Variants in HLCS observed in about 807,000 individuals in gnomAD.
HLCS encodes biotin--protein ligase.
In HLCS, 53 loss-of-function variants were observed where a neutral mutation model predicts 75.0. The observed-to-expected ratio is 0.71, with a 90% CI of 0.57 to 0.89. The LOEUF is 0.89. HLCS is among the 40% of genes least tolerant of loss of function. The pLI is 0.00. For synonymous variants in HLCS, 431 were observed against 428.6 expected (o/e 1.01, Z -0.07); for missense variants, 966 against 1,074.0 (o/e 0.90, Z 1.41).
chr21:36,908,765 G>C (rs1442000529), intron 5 of HLCS, among the ~76,000 whole-genome samples: 2 of 152,168 alleles, frequency 1.3e-5, no homozygotes, highest in African/African-American at 2.4e-5. Context: ...TCAAAAAAAA[G>C]AAGGGTATCC....
intron 2 of HLCS, among the ~76,000 whole-genome samples, chr21:36,940,932 C>A (rs1738168032): frequency 6.6e-6 from 1 of 152,178 alleles, no homozygotes; most frequent in Non-Finnish European, 1.5e-5. Context: ...AGTGTTTGGG[C>A]TGGGCGCGGT....
At chr21:36,807,939 A>G (rs2145946695) in intron 6 of HLCS, among the ~76,000 whole-genome samples, 1 of 152,352 alleles carries the variant, frequency 6.6e-6, no homozygotes, top group East Asian at 1.9e-4. Flanking sequence ...ACTATTAGAA[A>G]AACTTAGTGA....
chr21:36,758,862 T>C (rs552151157), intron 9 of HLCS, among the ~76,000 whole-genome samples: 4 of 151,898 alleles, frequency 2.6e-5, no homozygotes, highest in Non-Finnish European at 5.9e-5. Context: ...GGGCACCTGT[T>C]CTCCCAGCTA....
intron 1 of HLCS, among the ~76,000 whole-genome samples, chr21:36,965,749 T>G (rs12626619): frequency 0.61 from 89,338 of 147,610 alleles, 27,350 homozygotes; most frequent in East Asian, 0.74. Flanking sequence ...TTTTTTTTCT[T>G]AAGACAGGGT....
At chr21:36,933,186 C>G (rs919478406) in intron 4 of HLCS, among the ~76,000 whole-genome samples, 8 of 152,190 alleles carry the variant, frequency 5.3e-5, no homozygotes, top group African/African-American at 1.9e-4. Context: ...CCCCAAACCA[C>G]AGCTGATTGG....
intron 6 of HLCS, among the ~76,000 whole-genome samples, chr21:36,836,543 C>T (rs930086650): frequency 6.8e-6 from 1 of 146,956 alleles, no homozygotes; most frequent in Non-Finnish European, 1.5e-5. Context: ...ATTCCCTGCA[C>T]AGCAAAAGAA....
Position 36,768,411 on chromosome 21 carries a change from G to A in HLCS, c.1893-1126C>T, listed in dbSNP as rs3787747. Among the ~76,000 whole-genome samples the A allele has an allele frequency of 1.2e-4, 19 of 152,312 alleles. No homozygotes were observed. In the East Asian group the frequency reaches 3.5e-3, roughly 28 times the overall value. ...CTCCCCTCCCAGCTACAGAAACTGG[G>A]TGGAACTTTACAAATGGCTGGAACT... On this transcript the variant is annotated intron_variant, in intron 6 of 10. Transcript: ENST00000674895.
intron 2 of HLCS, among the ~76,000 whole-genome samples, chr21:36,940,903 T>C (rs982320389): frequency 2.6e-5 from 4 of 152,086 alleles, no homozygotes; most frequent in Middle Eastern, 3.2e-3. Flanking sequence ...TGAGTTCTCA[T>C]GAGATCTGAT....
chr21:36,979,935 G>C (rs2069062406), intron 1 of HLCS, among the ~76,000 whole-genome samples: 1 of 143,918 alleles, frequency 6.9e-6, no homozygotes, highest in African/African-American at 2.6e-5. Context: ...TGTGCCTGTA[G>C]TTCCAGCTAC....
At chr21:36,871,576 T>A (rs536057446) in intron 6 of HLCS, among the ~76,000 whole-genome samples, 1 of 152,312 alleles carries the variant, frequency 6.6e-6, no homozygotes, top group Non-Finnish European at 1.5e-5. Context: ...CACTGATTTT[T>A]ATTATACCAT....
intron 6 of HLCS, among the ~76,000 whole-genome samples, chr21:36,853,328 G>A (rs958456071): frequency 1.3e-5 from 2 of 152,184 alleles, no homozygotes; most frequent in Non-Finnish European, 2.9e-5. Flanking sequence ...CAAAGAAAGG[G>A]AGAGCACTCA....
At position 36,938,862 on chromosome 21, in the gene HLCS, C is replaced by T. The variant is rs369390552; in HGVS notation, c.463G>A (p.Asp155Asn). ...ATCTTTTGGGGTACCAGTCCATTAT[C>T]CATGTGGAGTCTATCTTCCATGAAC... ...VAFMEDRLHM[D>N]NGLVPQKIVS... Residue 155 changes from aspartate (D) to asparagine (N), a missense_variant, in exon 3 of 11, where the codon GAT (aspartate) becomes AAT (asparagine). Asp to Asn is a conservative substitution (Grantham distance 23). Transcript: ENST00000674895. The T allele has an allele frequency of 6.8e-5, 109 of 1,614,092 alleles. No homozygotes were observed. Among genetic ancestry groups the T allele is most frequent in the Non-Finnish European group, 8.2e-5 (97 of 1,180,028 alleles).
chr21:36,811,560 G>T (rs2061511107), intron 6 of HLCS, among the ~76,000 whole-genome samples: 1 of 152,208 alleles, frequency 6.6e-6, no homozygotes, highest in Non-Finnish European at 1.5e-5. Context: ...CATCTGCAAT[G>T]TTAGAAAACA....
At chr21:36,801,578 G>T (rs1332599430) in intron 6 of HLCS, among the ~76,000 whole-genome samples, 5 of 152,208 alleles carry the variant, frequency 3.3e-5, no homozygotes, top group Non-Finnish European at 5.9e-5. Flanking sequence ...AGCATGTCTG[G>T]TGCACAGTAA....
intron 2 of HLCS, among the ~76,000 whole-genome samples, chr21:36,947,154 AGCCCCC>A (rs1382467444): frequency 6.6e-6 from 1 of 152,200 alleles, no homozygotes; most frequent in Non-Finnish European, 1.5e-5. Flanking sequence ...ACATTGATTT[AGCCCCC>A]TGCGGTAGCA....
In HLCS at chr21:36,817,024, C is replaced by T. The variant is rs193230062; in HGVS notation, c.1893-49739G>A. 3.6e-3 allele frequency among the ~76,000 whole-genome samples: 543 copies of T among 152,302 alleles called. 2 individuals are homozygous for T. In the Middle Eastern group the frequency reaches 0.058, roughly 16 times the overall value. On this transcript the variant is annotated intron_variant, in intron 6 of 10. Transcript: ENST00000674895. Reference sequence around the variant, plus strand: ...GGCTTCCCTCTGCCACGCCAAGCAACCCAGCCTGGCTACAGTACAGCAGGC... The same window carrying T: ...GGCTTCCCTCTGCCACGCCAAGCAATCCAGCCTGGCTACAGTACAGCAGGC...
At chr21:36,770,441 C>A (rs911862313) in intron 6 of HLCS, among the ~76,000 whole-genome samples, 1 of 152,062 alleles carries the variant, frequency 6.6e-6, no homozygotes, top group African/African-American at 2.4e-5. Flanking sequence ...GCCACCACGC[C>A]TGGCCAAAAA....
chr21:36,875,481 T>C (rs971778507), intron 6 of HLCS, among the ~76,000 whole-genome samples: 3 of 152,158 alleles, frequency 2.0e-5, no homozygotes, highest in African/African-American at 7.2e-5. Flanking sequence ...GGACAACCTG[T>C]CTGCAGAAAG....
chr21:36,899,980 C>T (rs2065169352), intron 5 of HLCS, among the ~76,000 whole-genome samples: 1 of 151,990 alleles, frequency 6.6e-6, no homozygotes, highest in Non-Finnish European at 1.5e-5. Context: ...TGGTGGGTGC[C>T]TGTAATCCCG....
Sources: gnomAD v4.1 joint callset for allele counts (sites outside exome capture counted in the v4.1 genomes callset) on GRCh38, gnomAD v4.1.1 for gene constraint, MANE v1.5 for transcripts, NCBI Gene and HGNC (gene_info 2026-07-23, HGNC 2026-07-21) for gene names.